The following PRELID2 variants were observed in gnomAD, a reference collection of about 807,000 sequenced individuals.
PRELID2 encodes PRELI domain-containing protein 2.
Under a neutral mutation model 28.4 loss-of-function variants are expected in PRELID2, and 25 were observed. That is an observed-to-expected ratio of 0.88 (90% CI 0.64 to 1.23). PRELID2 has a LOEUF of 1.23. Ranked by LOEUF, PRELID2 falls within the 50% of genes most tolerant of loss-of-function variation. The pLI is 0.00. For synonymous variants in PRELID2, 76 were observed against 71.6 expected (o/e 1.06, Z -0.31); for missense variants, 201 against 214.4 (o/e 0.94, Z 0.39).
intron 1 of PRELID2, among the ~76,000 whole-genome samples, chr5:145,515,532 G>A (rs1191957976): frequency 1.3e-5 from 2 of 152,136 alleles, no homozygotes; most frequent in Non-Finnish European, 2.9e-5. Context: ...CCCAGGACCA[G>A]ACACATTCAC....
chr5:145,784,392 G>A (rs1409927258), intron 5 of PRELID2, among the ~76,000 whole-genome samples: 1 of 152,160 alleles, frequency 6.6e-6, no homozygotes, highest in African/African-American at 2.4e-5. Flanking sequence ...ACAATTTTAT[G>A]AAGTGAGATT....
intron 1 of PRELID2, among the ~76,000 whole-genome samples, chr5:145,555,199 G>A (rs1167251640): frequency 2.6e-5 from 4 of 152,186 alleles, no homozygotes; most frequent in Non-Finnish European, 5.9e-5. Context: ...TGTGATCCAT[G>A]AACCACTTGT....
At chr5:145,664,288 AT>A (rs772346886) in intron 1 of PRELID2, among the ~76,000 whole-genome samples, 1 of 151,984 alleles carries the variant, frequency 6.6e-6, no homozygotes, top group Non-Finnish European at 1.5e-5. Flanking sequence ...ATCTACTTTT[AT>A]TTGTTGTAAA....
chr5:145,286,700 T>G, the PRELID2 span, among the ~76,000 whole-genome samples: 2 of 111,388 alleles, frequency 1.8e-5, no homozygotes. Flanking sequence ...ATAGAAGTTT[T>G]TGTTTTTTTT....
At chr5:145,702,424 C>A (rs1157589405) in intron 1 of PRELID2, among the ~76,000 whole-genome samples, 1 of 152,182 alleles carries the variant, frequency 6.6e-6, no homozygotes, top group Non-Finnish European at 1.5e-5. Context: ...TTCTCTGTTT[C>A]TTTTTTCTTA....
chr5:145,425,552 A>T, the PRELID2 span, among the ~76,000 whole-genome samples: 1 of 152,366 alleles, frequency 6.6e-6, no homozygotes, highest in South Asian at 2.1e-4. Flanking sequence ...TGGTAAACAT[A>T]CACCATGGAA....
At chr5:145,402,976 C>T in the PRELID2 span, among the ~76,000 whole-genome samples, 2 of 152,170 alleles carry the variant, frequency 1.3e-5, no homozygotes, top group South Asian at 2.1e-4. Context: ...AAGACCAACT[C>T]CTCAGTGCTT....
the PRELID2 span, among the ~76,000 whole-genome samples, chr5:145,409,610 A>T: frequency 6.6e-6 from 1 of 152,102 alleles, no homozygotes; most frequent in Non-Finnish European, 1.5e-5. Flanking sequence ...AAGCAATAAC[A>T]GTTAAAAAAA....
intron 1 of PRELID2, among the ~76,000 whole-genome samples, chr5:145,739,877 C>G (rs2149735074): frequency 6.7e-6 from 1 of 149,444 alleles, no homozygotes; most frequent in Non-Finnish European, 1.5e-5. Flanking sequence ...GTAAATTAAT[C>G]AAATTATAAA....
At chr5:145,411,394 G>A in the PRELID2 span, among the ~76,000 whole-genome samples, 2 of 152,084 alleles carry the variant, frequency 1.3e-5, no homozygotes, top group South Asian at 4.2e-4. Flanking sequence ...TTCAAGATGA[G>A]ATTTGGGTGG....
chr5:145,625,787 C>T (rs901806313), intron 1 of PRELID2, among the ~76,000 whole-genome samples: 1 of 152,066 alleles, frequency 6.6e-6, no homozygotes, highest in Non-Finnish European at 1.5e-5. Flanking sequence ...CCACTAAAAC[C>T]ATATGTGGAT....
intron 1 of PRELID2, among the ~76,000 whole-genome samples, chr5:145,611,538 C>T: frequency 6.6e-6 from 1 of 152,260 alleles, no homozygotes; most frequent in East Asian, 1.9e-4. Context: ...TAAGACCTTT[C>T]ATAATAGCTA....
At chr5:145,286,193 G>A in the PRELID2 span, among the ~76,000 whole-genome samples, 340 of 152,218 alleles carry the variant, frequency 2.2e-3, 2 homozygotes, top group African/African-American at 7.8e-3. Flanking sequence ...CTGTCTTAAG[G>A]TAGGAAACTG....
intron 1 of PRELID2, among the ~76,000 whole-genome samples, chr5:145,827,196 T>G (rs1363817375): frequency 6.6e-6 from 1 of 152,086 alleles, no homozygotes; most frequent in Non-Finnish European, 1.5e-5. Flanking sequence ...TGCAAAGAGA[T>G]GGGGCTGCTG....
At chr5:145,753,089 G>A (rs558792426), downstream of PRELID2, among the ~76,000 whole-genome samples, 149 of 152,324 alleles carry the variant, frequency 9.8e-4, no homozygotes, top group African/African-American at 3.6e-3. Context: ...GGATCTAAAA[G>A]TTTATCCTGG....
At chr5:145,788,475 C>T (rs983417207) in intron 5 of PRELID2, among the ~76,000 whole-genome samples, 1 of 152,158 alleles carries the variant, frequency 6.6e-6, no homozygotes, top group Non-Finnish European at 1.5e-5. Context: ...TTGAGGAACA[C>T]ACTGTATGGC....
the PRELID2 span, among the ~76,000 whole-genome samples, chr5:145,422,874 C>T: frequency 8.2e-3 from 1,241 of 151,724 alleles, 6 homozygotes; most frequent in Non-Finnish European, 0.014. Context: ...TGGCTGGTAC[C>T]GGTTGTTCCT....
the PRELID2 span, among the ~76,000 whole-genome samples, chr5:145,457,833 T>C: frequency 2.6e-5 from 4 of 152,176 alleles, no homozygotes; most frequent in African/African-American, 9.7e-5. Context: ...GGTTACATAT[T>C]TGTAAAAGCT....
intron 1 of PRELID2, among the ~76,000 whole-genome samples, chr5:145,520,906 C>T (rs888412864): frequency 1.3e-5 from 2 of 152,116 alleles, no homozygotes; most frequent in Admixed American, 6.5e-5. Context: ...TTATTTTACT[C>T]ATTTGTTTCT....
Sources: gnomAD v4.1 joint callset for allele counts (sites outside exome capture counted in the v4.1 genomes callset) on GRCh38, gnomAD v4.1.1 for gene constraint, MANE v1.5 for transcripts, NCBI Gene and HGNC (gene_info 2026-07-23, HGNC 2026-07-21) for gene names.